Variants in FBLN7 observed in about 807,000 individuals in gnomAD.
FBLN7 encodes the protein fibulin 7.
FBLN7 carries 31 observed loss-of-function variants against 44.0 expected under a neutral mutation model. The ratio of observed to expected loss-of-function variants is 0.70; its 90% CI spans 0.53 to 0.95. The LOEUF is 0.95. Ranked by LOEUF, FBLN7 falls within the 40% of genes least tolerant of loss-of-function variation. The pLI, the probability that FBLN7 is intolerant of heterozygous loss-of-function variation, is 0.00. For synonymous variants in FBLN7, 262 were observed against 253.4 expected, an observed-to-expected ratio of 1.03 and a Z score of -0.32; for missense variants, 573 against 618.5, an observed-to-expected ratio of 0.93 and a Z score of 0.78.
chr2:112,181,288 A>G (rs577997228), intron 4 of FBLN7, among the ~76,000 whole-genome samples: 1 of 152,160 alleles, frequency 6.6e-6, no homozygotes, highest in Non-Finnish European at 1.5e-5. Flanking sequence ...GTGTTTATCT[A>G]TGTAACAAAC....
chr2:112,233,236 A>G, the FBLN7 span: 1 of 1,304,960 alleles, frequency 7.7e-7, no homozygotes, highest in Non-Finnish European at 1.1e-6. Flanking sequence ...TTATAAAGTC[A>G]CCATATCTTG....
the FBLN7 span, chr2:112,230,806 A>G: frequency 6.6e-6 from 5 of 756,998 alleles, no homozygotes; most frequent in African/African-American, 1.9e-5. Context: ...GAGGAAGAAG[A>G]AAAATACTTC....
the FBLN7 span, among the ~76,000 whole-genome samples, chr2:112,241,737 C>T: frequency 6.6e-6 from 1 of 152,178 alleles, no homozygotes; most frequent in Non-Finnish European, 1.5e-5. Flanking sequence ...TTCATGACCA[C>T]TGCAAAATTA....
downstream of FBLN7, among the ~76,000 whole-genome samples, chr2:112,190,837 T>C (rs771997160): frequency 1.3e-5 from 2 of 152,184 alleles, no homozygotes; most frequent in Non-Finnish European, 2.9e-5. Context: ...TCATTGGTAG[T>C]GGTTACATCA....
At chr2:112,228,661 T>C in the FBLN7 span, among the ~76,000 whole-genome samples, 2 of 152,220 alleles carry the variant, frequency 1.3e-5, no homozygotes, top group East Asian at 3.9e-4. Context: ...TAAGAGCACA[T>C]CTTGTGACTT....
the FBLN7 span, among the ~76,000 whole-genome samples, chr2:112,226,514 G>A: frequency 7.0e-6 from 1 of 142,318 alleles, no homozygotes; most frequent in Non-Finnish European, 1.5e-5. Context: ...GTGTGAACCC[G>A]GGAGGTGGAG....
At chr2:112,223,933 AG>A in the FBLN7 span, among the ~76,000 whole-genome samples, 64 of 152,230 alleles carry the variant, frequency 4.2e-4, no homozygotes, top group Non-Finnish European at 5.0e-4. Context: ...ATTTGAGGTC[AG>A]GAGTTTGAGA....
intron 5 of FBLN7, 42 bp downstream of exon 5, chr2:112,181,918 A>G: frequency 6.6e-7 from 1 of 1,522,154 alleles, no homozygotes; most frequent in African/African-American, 1.4e-5. Flanking sequence ...CAGCACGGGG[A>G]GGACATGGGG....
the FBLN7 span, among the ~76,000 whole-genome samples, chr2:112,218,871 A>T: frequency 6.6e-6 from 1 of 152,220 alleles, no homozygotes; most frequent in African/African-American, 2.4e-5. Flanking sequence ...TTCAAGGGCC[A>T]AATGTACTTA....
chr2:112,182,655 T>G, intron 5 of FBLN7, 136 bp from the exon 6 acceptor site: 1 of 1,042,550 alleles, frequency 9.6e-7, no homozygotes, highest in Non-Finnish European at 1.4e-6. Flanking sequence ...GGGTAGGGCA[T>G]GGCGGCTGCC....
chr2:112,189,987 G>A (rs976781447), downstream of FBLN7: 4 of 151,942 alleles, frequency 2.6e-5, no homozygotes, highest in African/African-American at 9.7e-5. Flanking sequence ...TTATTGATAT[G>A]CATTTTAAGC....
Position 112,187,028 on chromosome 2 carries a change from G to A in FBLN7, c.948-106G>A. On this transcript the variant is annotated intron_variant, in intron 7 of 7. Coordinates refer to ENST00000331203, the MANE Select transcript of FBLN7 (RefSeq NM_153214.3). This position sits in a 1 kb window ranked among gnomAD's most constrained non-coding sequence, Gnocchi z 5.1. The stretch of plus-strand genomic sequence containing the variant: ...GGTGAAGGACCCGTGGCTGGGAAAG[G>A]TCATCTAGGTGGCCTCTGCAAGAGG... 1 of 1,411,536 alleles carries A rather than the reference G, an allele frequency of 7.1e-7. No homozygotes were observed. 87.4% of individuals were successfully genotyped at this position (1,411,536 alleles called of 1,614,324 possible).
chr2:112,140,388 C>G (rs561163666), intron 1 of FBLN7, among the ~76,000 whole-genome samples: 1 of 152,230 alleles, frequency 6.6e-6, no homozygotes, highest in African/African-American at 2.4e-5. Context: ...AGCACCAAGG[C>G]TGGGGGACCC....
chr2:112,148,421 C>T (rs1680990212), intron 1 of FBLN7, among the ~76,000 whole-genome samples: 1 of 152,296 alleles, frequency 6.6e-6, no homozygotes, highest in South Asian at 2.1e-4. Flanking sequence ...GAGATAAATA[C>T]CGCTATCTAA....
At chr2:112,233,504 C>CTGTT in the FBLN7 span, 4 of 639,074 alleles carry the variant, frequency 6.3e-6, no homozygotes, top group African/African-American at 7.7e-5. Flanking sequence ...CACATTCTAA[C>CTGTT]TGTTAATAAA....
chr2:112,145,923 A>C (rs1680878995), intron 1 of FBLN7, among the ~76,000 whole-genome samples: 1 of 152,238 alleles, frequency 6.6e-6, no homozygotes, highest in Non-Finnish European at 1.5e-5. Context: ...AAATTGAGTA[A>C]AGTGGGTCCT....
At chr2:112,156,026 C>T (rs935862608) in intron 1 of FBLN7, among the ~76,000 whole-genome samples, 3 of 152,218 alleles carry the variant, frequency 2.0e-5, no homozygotes, top group African/African-American at 7.2e-5. Context: ...AGGGCCTGGC[C>T]AGCTCGTAGC....
At chr2:112,211,279 A>C in the FBLN7 span, among the ~76,000 whole-genome samples, 1 of 152,182 alleles carries the variant, frequency 6.6e-6, no homozygotes, top group East Asian at 1.9e-4. Flanking sequence ...ATCAAATGTC[A>C]AATCTTCATA....
the FBLN7 span, among the ~76,000 whole-genome samples, chr2:112,241,568 T>A: frequency 6.6e-6 from 1 of 152,240 alleles, no homozygotes; most frequent in Non-Finnish European, 1.5e-5. Context: ...ACATTTGGTA[T>A]TTGAACAAAG....
Sources: gnomAD v4.1 joint callset for allele counts (sites outside exome capture counted in the v4.1 genomes callset) on GRCh38, gnomAD v4.1.1 for gene constraint, Gnocchi (gnomAD v3.1) non-coding constraint, MANE v1.5 for transcripts, NCBI Gene and HGNC (gene_info 2026-07-23, HGNC 2026-07-21) for gene names.